SLIT1: variants seen among roughly 807,000 people sequenced by gnomAD.
The protein encoded by SLIT1 is slit homolog 1 protein.
SLIT1 carries 66 observed loss-of-function variants against 186.1 expected under a neutral mutation model. The observed-to-expected ratio is 0.35, with a 90% CI of 0.29 to 0.44. SLIT1 has a LOEUF of 0.44. SLIT1 is among the 20% of genes least tolerant of loss of function. SLIT1 has a pLI of 1.00. For synonymous variants in SLIT1, 761 were observed against 833.8 expected (o/e 0.91, Z 1.50); for missense variants, 1,638 against 2,037.4 (o/e 0.80, Z 3.77).
At chr10:97,152,424 T>C (rs554966000) in intron 4 of SLIT1, among the ~76,000 whole-genome samples, 39 of 149,112 alleles carry the variant, frequency 2.6e-4, no homozygotes, top group African/African-American at 8.3e-4. Context: ...CCCTCCGAAG[T>C]AGCCCTGATG....
intron 4 of SLIT1, 123 bp from the exon 5 acceptor site, chr10:97,066,209 A>T: frequency 1.4e-6 from 1 of 729,376 alleles, no homozygotes; most frequent in East Asian, 2.7e-5. Context: ...CCACTGCTGC[A>T]CCCCAGCACC....
At chr10:97,119,566 G>A (rs1320367611) in intron 4 of SLIT1, among the ~76,000 whole-genome samples, 1 of 152,086 alleles carries the variant, frequency 6.6e-6, no homozygotes, top group Non-Finnish European at 1.5e-5. Context: ...GGTGGGTTGC[G>A]ACGGGGCGGT....
At chr10:97,052,752 A>G (rs939268940) in intron 13 of SLIT1, among the ~76,000 whole-genome samples, 1 of 152,222 alleles carries the variant, frequency 6.6e-6, no homozygotes, top group Non-Finnish European at 1.5e-5. Context: ...CAAATCAAAC[A>G]TGATTTGGTA....
At chr10:97,058,024 G>A (rs1267064825) in intron 11 of SLIT1, 4 of 717,398 alleles carry the variant, frequency 5.6e-6, no homozygotes, top group African/African-American at 5.2e-5. Flanking sequence ...CATTCCTGGA[G>A]TGAGGCACAG....
intron 1 of SLIT1, among the ~76,000 whole-genome samples, chr10:97,183,240 A>T (rs150651335): frequency 8.1e-4 from 123 of 152,260 alleles, no homozygotes; most frequent in African/African-American, 2.8e-3. Flanking sequence ...TCCTCTGCCC[A>T]GTTCTCTAGA....
chr10:97,063,122 G>GATGAGTGGACAAGGCA (rs1848908494), intron 8 of SLIT1, among the ~76,000 whole-genome samples: 1 of 152,206 alleles, frequency 6.6e-6, no homozygotes, highest in Admixed American at 6.5e-5. Flanking sequence ...CAAAGAGGGT[G>GATGAGTGGACAAGGCA]ATGAGTGGAC....
At position 97,184,040 on chromosome 10, in the gene SLIT1, A is replaced by T. The variant is rs971138807; in HGVS notation, c.197+1438T>A. The stretch of plus-strand genomic sequence containing the variant: ...GCACCACACACACACACACACACAC[A>T]CACACACACACACACACACTTCCCA... On this transcript the variant is annotated intron_variant, in intron 1 of 36. Transcript: ENST00000266058. This position sits in a 1 kb window ranked among gnomAD's most constrained non-coding sequence, Gnocchi z 4.4. Among the ~76,000 whole-genome samples, 1 of 151,156 alleles carries T rather than the reference A, an allele frequency of 6.6e-6. No homozygotes were observed. Among genetic ancestry groups the T allele is most frequent in the African/African-American group, 2.4e-5 (1 of 41,052 alleles).
intron 4 of SLIT1, among the ~76,000 whole-genome samples, chr10:97,066,953 G>A (rs191179559): frequency 3.3e-5 from 5 of 152,074 alleles, no homozygotes; most frequent in Admixed American, 1.3e-4. Flanking sequence ...CCCTGGGCTG[G>A]CTGTGGTGGG....
chr10:97,066,173 A>T, intron 4 of SLIT1, 87 bp from the exon 5 acceptor site: 1 of 1,102,388 alleles, frequency 9.1e-7, no homozygotes, highest in Non-Finnish European at 1.4e-6. Context: ...GAAGCAGGGC[A>T]GGTGGGCTGG....
chr10:97,058,967 G>A (rs756317470), intron 11 of SLIT1, among the ~76,000 whole-genome samples: 6 of 152,168 alleles, frequency 3.9e-5, no homozygotes, highest in South Asian at 2.1e-4. Context: ...AAGGAGGAGC[G>A]GGCAAACACT....
rs114555351 is a variant in SLIT1 at position 97,120,402 on chromosome 10, A to G, written c.413+37416T>C. Among the ~76,000 whole-genome samples, 1,450 of 152,284 alleles carry G rather than the reference A, an allele frequency of 9.5e-3. 18 individuals carry two copies. Among genetic ancestry groups the G allele is most frequent in the African/African-American group, 0.033 (1,381 of 41,534 alleles). On this transcript the variant is annotated intron_variant, in intron 4 of 36. Coordinates refer to ENST00000266058, the MANE Select transcript of SLIT1 (RefSeq NM_003061.3). Reference sequence around the variant, plus strand: ...CCCTGTGAGATTTACTTGAATACACAGGACTGTTGTCTGAAAAGTGTGTGT... The same window carrying G: ...CCCTGTGAGATTTACTTGAATACACGGGACTGTTGTCTGAAAAGTGTGTGT...
intron 35 of SLIT1, 50 bp from the exon 36 acceptor site, chr10:97,002,419 C>T: frequency 2.1e-6 from 3 of 1,421,496 alleles, no homozygotes; most frequent in Non-Finnish European, 2.9e-6. Context: ...AGCCAAGCCC[C>T]ACCTGACACA....
chr10:97,180,211 T>C (rs1229546241), intron 1 of SLIT1, among the ~76,000 whole-genome samples: 2 of 152,266 alleles, frequency 1.3e-5, no homozygotes, highest in African/African-American at 4.8e-5. Flanking sequence ...TTCACATCCC[T>C]GCAATTCTCT....
At chr10:97,159,079 C>T (rs1408372164) in intron 3 of SLIT1, among the ~76,000 whole-genome samples, 3 of 152,130 alleles carry the variant, frequency 2.0e-5, no homozygotes, top group Admixed American at 2.0e-4. Context: ...CCAGGGGTGT[C>T]TGAGGGGTCT....
At chr10:97,078,674 A>G (rs1849071619) in intron 4 of SLIT1, among the ~76,000 whole-genome samples, 1 of 152,158 alleles carries the variant, frequency 6.6e-6, no homozygotes, top group South Asian at 2.1e-4. Context: ...AACTCTACCT[A>G]CTGCAAGTGG....
At chr10:97,138,503 T>C (rs369852314) in intron 4 of SLIT1, among the ~76,000 whole-genome samples, 35 of 152,384 alleles carry the variant, frequency 2.3e-4, no homozygotes, top group Admixed American at 7.8e-4. Context: ...TCTCATGCCA[T>C]GTCCAGCTGG....
chr10:97,109,069 C>T (rs1337092370), intron 4 of SLIT1, among the ~76,000 whole-genome samples: 1 of 151,558 alleles, frequency 6.6e-6, no homozygotes, highest in African/African-American at 2.4e-5. Context: ...AAATAAAAAG[C>T]CAGGCATGGT....
rs1848343357 is a variant in SLIT1, at chr10:97,004,613, C to T, written c.3710+80G>A. ...CCAGGTTTCTAGAGGTCTCGATAAC[C>T]ACCTGCTTTTGGCCCAGGAGACCTC... On this transcript the variant is annotated intron_variant, in intron 33 of 36. Transcript: ENST00000266058. This position sits in a 1 kb window ranked among gnomAD's most constrained non-coding sequence, Gnocchi z 5.1. 15 of 1,552,402 alleles carry T rather than the reference C, an allele frequency of 9.7e-6. No homozygotes were observed. Among genetic ancestry groups the T allele is most frequent in the Admixed American group, 8.5e-5 (5 of 58,894 alleles).
At position 97,134,144 on chromosome 10, in the gene SLIT1, C is replaced by T. The variant is rs113839793; in HGVS notation, c.413+23674G>A. ...ATCTCAAGAGGCTGGGGCGGCCTCA[C>T]TTCCTCTCCCCAAAGAGGTGTGTTT... is the stretch of plus-strand genomic sequence containing the variant. On this transcript the variant is annotated intron_variant, in intron 4 of 36. Coordinates refer to ENST00000266058, the MANE Select transcript of SLIT1 (RefSeq NM_003061.3). Among the ~76,000 whole-genome samples the T allele has an allele frequency of 4.3e-3, 654 of 152,230 alleles. 6 individuals are homozygous for T. The highest frequency in any genetic ancestry group is 0.015 in the African/African-American group (624 of 41,516).
Sources: allele counts gnomAD v4.1 joint callset (sites outside exome capture counted in the v4.1 genomes callset), GRCh38; gene constraint gnomAD v4.1.1; non-coding constraint Gnocchi (gnomAD v3.1); transcripts MANE v1.5; gene names NCBI Gene and HGNC (gene_info 2026-07-23, HGNC 2026-07-21).